Variants in ADAM9 observed in about 807,000 individuals in gnomAD.
ADAM9 encodes disintegrin and metalloproteinase domain-containing protein 9.
ADAM9 carries 54 observed loss-of-function variants against 108.1 expected under a neutral mutation model. The ratio of observed to expected loss-of-function variants is 0.50; its 90% CI spans 0.40 to 0.63. The LOEUF (loss-of-function observed/expected upper bound fraction) is 0.63. Ranked by LOEUF, ADAM9 falls within the 20% of genes least tolerant of loss-of-function variation. The probability of loss-of-function intolerance (pLI) is 0.00; values close to 1 mark genes in which losing one functional copy is unlikely to be tolerated. For missense variants in ADAM9, 830 were observed against 997.7 expected (o/e 0.83, Z 2.26); for synonymous variants, 316 against 336.0 (o/e 0.94, Z 0.65).
rs1839772281 is a variant in ADAM9 at position 39,103,710 on chromosome 8, C to A, written c.*10C>A. 3 of 1,611,514 alleles carry A rather than the reference C, an allele frequency of 1.9e-6. No individual in the cohort carries two copies. Among genetic ancestry groups the A allele is most frequent in the African/African-American group, 1.3e-5 (1 of 74,850 alleles). On this transcript the variant is annotated 3_prime_UTR_variant, in exon 22 of 22. Transcript: ENST00000487273. ...TAGTTCCCTCACTTGATTTTTTTAA[C>A]CTTCTTTTTGCAAATGTCTTCAGGG...
In ADAM9 at chr8:39,103,567, A is replaced by G. The variant is rs772532788; in HGVS notation, c.2367-40A>G. 4.4e-6 allele frequency: 7 copies of G among 1,574,522 alleles called. No homozygotes were observed. In the Admixed American group the frequency reaches 1.2e-4, roughly 26 times the overall value. On this transcript the variant is annotated intron_variant, in intron 21 of 21. Coordinates refer to ENST00000487273, the MANE Select transcript of ADAM9 (RefSeq NM_003816.3). ...TAATGAATATGGCATTATTTCACCC[A>G]GTCTAAACACTCTATTAACTATCTC...
rs1564204772 is a variant in ADAM9, at chr8:38,997,177, C to T, written c.97+17C>T. The T allele has an allele frequency of 6.3e-7, 1 of 1,594,252 alleles. No homozygotes were observed. Among genetic ancestry groups the T allele is most frequent in the East Asian group, 2.2e-5 (1 of 44,562 alleles). On this transcript the variant is annotated intron_variant, in intron 1 of 21. Transcript: ENST00000487273. ...CGCGGCCAGGTGGGTGTCCGCGCCC[C>T]GGGTCGGTTGGGACGGCTGCTTCCT...
intron 1 of ADAM9, among the ~76,000 whole-genome samples, chr8:38,998,484 G>A (rs1160099633): frequency 6.6e-6 from 1 of 152,204 alleles, no homozygotes; most frequent in African/African-American, 2.4e-5. Flanking sequence ...CATTAGGTGA[G>A]TGGAATATCC....
intron 12 of ADAM9, among the ~76,000 whole-genome samples, chr8:39,050,107 G>A (rs900405975): frequency 2.6e-5 from 4 of 152,128 alleles, no homozygotes; most frequent in Admixed American, 6.5e-5. Flanking sequence ...TGGCCTGCAA[G>A]ATTTCTGCTG....
chr8:39,018,784 T>C, intron 6 of ADAM9, 69 bp from the exon 7 acceptor site: 4 of 1,300,506 alleles, frequency 3.1e-6, no homozygotes, highest in Non-Finnish European at 4.5e-6. Context: ...AAATAAGTGA[T>C]GAGAGATTAG....
intron 14 of ADAM9, among the ~76,000 whole-genome samples, chr8:39,068,718 C>T (rs1367158767): frequency 9.1e-6 from 1 of 110,128 alleles, no homozygotes; most frequent in Admixed American, 1.0e-4. Context: ...AAAAAAAGAC[C>T]TGACTGTCAG....
At chr8:39,022,414 A>G (rs1034302876) in intron 8 of ADAM9, among the ~76,000 whole-genome samples, 1 of 152,174 alleles carries the variant, frequency 6.6e-6, no homozygotes, top group Admixed American at 6.5e-5. Context: ...TAAGTTTAGA[A>G]AAACAGTGTG....
Position 38,996,973 on chromosome 8 carries a change from A to G in ADAM9, c.-91A>G, listed in dbSNP as rs1190077271. ...CGTCGGGCGCGCGCGCTTCCCGGCC[A>G]GACTTGGGGCCCCGGCAGGGTTGGA... On this transcript the variant is annotated 5_prime_UTR_variant, in exon 1 of 22. Transcript: ENST00000487273. The G allele has an allele frequency of 3.3e-6, 5 of 1,507,866 alleles. No individual in the cohort carries two copies. In the East Asian group the frequency reaches 9.8e-5, roughly 30 times the overall value. 93.4% of individuals were successfully genotyped at this position (1,507,866 alleles called of 1,614,324 possible). A position where few individuals can be genotyped will look rare whatever the true frequency, so the allele number is the denominator to read the frequency against.
Position 39,025,880 on chromosome 8 carries a change from A to T in ADAM9, c.992A>T (p.Asn331Ile). 6.2e-7 allele frequency: 1 copy of T among 1,614,030 alleles called. No homozygotes were observed. The highest frequency in any genetic ancestry group is 8.5e-7 in the Non-Finnish European group (1 of 1,179,936). ...VCSRSHAGGI[N>I]VFGQITVETF... ...TCAAGGAGCCACGCAGGCGGGATTA[A>T]TGTGGTACGTTGTTCTTGATGTTTA... The change falls in exon 10 of 22, where the codon AAT becomes ATT. Residue 331 changes from asparagine to isoleucine, a missense_variant. Asn to Ile is a moderately radical substitution (Grantham distance 149). Transcript: ENST00000487273.
At chr8:38,998,115 A>G (rs1242491481) in intron 1 of ADAM9, among the ~76,000 whole-genome samples, 1 of 152,248 alleles carries the variant, frequency 6.6e-6, no homozygotes, top group Non-Finnish European at 1.5e-5. Context: ...TTACTAAATC[A>G]TTGATTGAAA....
chr8:39,095,872 C>G (rs1024665379), intron 20 of ADAM9, among the ~76,000 whole-genome samples: 9 of 152,076 alleles, frequency 5.9e-5, no homozygotes, highest in Non-Finnish European at 5.9e-5. Context: ...CATTAATGCA[C>G]TTTTTCATCT....
intron 20 of ADAM9, 96 bp downstream of exon 20, chr8:39,091,442 T>G: frequency 9.0e-7 from 1 of 1,112,778 alleles, no homozygotes; most frequent in Non-Finnish European, 1.3e-6. Context: ...GCTAGAAACA[T>G]AGATACCTTC....
chr8:39,094,708 A>G (rs1839447841), intron 20 of ADAM9, among the ~76,000 whole-genome samples: 1 of 151,970 alleles, frequency 6.6e-6, no homozygotes, highest in South Asian at 2.1e-4. Flanking sequence ...TTGGTGTATG[A>G]TTGTTCATAG....
chr8:39,067,400 C>T (rs1838518194), intron 14 of ADAM9, among the ~76,000 whole-genome samples: 1 of 152,172 alleles, frequency 6.6e-6, no homozygotes, highest in South Asian at 2.1e-4. Flanking sequence ...AATGTTCTTC[C>T]ATTTGTTTGT....
In ADAM9 at chr8:39,045,276, A is replaced by ATATG. The variant is rs752066410; in HGVS notation, c.1302+3163_1302+3166dup. Among the ~76,000 whole-genome samples the ATATG allele has an allele frequency of 2.8e-4, 40 of 144,538 alleles. No homozygotes were observed. In the East Asian group the frequency reaches 6.9e-3, roughly 25 times the overall value. 94.8% of individuals were successfully genotyped at this position (144,538 alleles called of 152,430 possible). A position where few individuals can be genotyped will look rare whatever the true frequency, so the allele number is the denominator to read the frequency against. ...TATGTGTATATATGTGTATACATAC[A>ATATG]TATGTATATGTGTGTGTACACCTAT... On this transcript the variant is annotated intron_variant, in intron 12 of 21. Coordinates refer to ENST00000487273, the MANE Select transcript of ADAM9 (RefSeq NM_003816.3).
chr8:39,022,180 G>T (rs894430908), intron 8 of ADAM9, among the ~76,000 whole-genome samples: 1 of 151,046 alleles, frequency 6.6e-6, no homozygotes, highest in Non-Finnish European at 1.5e-5. Flanking sequence ...TAAAGAATTA[G>T]ATATATGTTC....
intron 12 of ADAM9, among the ~76,000 whole-genome samples, chr8:39,050,665 A>G (rs1299761094): frequency 6.6e-6 from 1 of 151,838 alleles, no homozygotes; most frequent in Non-Finnish European, 1.5e-5. Context: ...TGTTTGTTAT[A>G]CTGCCTTTTC....
At position 38,997,079 on chromosome 8, in the gene ADAM9, C is replaced by A; in HGVS notation, c.16C>A (p.Arg6Ser). The change falls in exon 1 of 22, where the codon CGC (arginine) becomes AGC (serine). Residue 6 changes from arginine (R) to serine (S), a missense_variant. Arg to Ser is a moderately radical substitution (Grantham distance 110, BLOSUM62 -1). This residue lies in a region of ADAM9 where 211 missense variants were observed against 222.2 expected (regional missense o/e 0.95). Transcript: ENST00000487273. The part of the protein sequence containing the change: MGSGA[R>S]FPSGTLRVRW... Reference sequence around the variant, plus strand: ...ATCGGCCGAGATGGGGTCTGGCGCGCGCTTTCCCTCGGGGACCCTTCGTGT... The same window carrying A: ...ATCGGCCGAGATGGGGTCTGGCGCGAGCTTTCCCTCGGGGACCCTTCGTGT... 2 of 1,607,698 alleles carry A rather than the reference C, an allele frequency of 1.2e-6. No homozygotes were observed. The highest frequency in any genetic ancestry group is 1.7e-6 in the Non-Finnish European group (2 of 1,179,594).
chr8:39,013,912 C>G, intron 3 of ADAM9, 53 bp from the exon 4 acceptor site: 4 of 1,378,272 alleles, frequency 2.9e-6, no homozygotes, highest in Non-Finnish European at 4.1e-6. Context: ...GAATCGTGTC[C>G]TTAGTTGTAG....
Sources: gnomAD v4.1 joint callset for allele counts (sites outside exome capture counted in the v4.1 genomes callset) on GRCh38, gnomAD v4.1.1 for gene constraint, gnomAD v4.1.1 regional missense constraint, MANE v1.5 for transcripts, NCBI Gene and HGNC (gene_info 2026-07-23, HGNC 2026-07-21) for gene names.